PLXNA4: variants seen among roughly 807,000 people sequenced by gnomAD.
PLXNA4 encodes the protein plexin-A4.
In PLXNA4, 44 loss-of-function variants were observed where a neutral mutation model predicts 191.8. The observed-to-expected ratio is 0.23, with a 90% CI of 0.18 to 0.29. The LOEUF is 0.29. PLXNA4 is among the 10% of genes least tolerant of loss of function. The pLI, the probability that PLXNA4 is intolerant of heterozygous loss-of-function variation, is 1.00. For missense variants in PLXNA4, 1,800 were observed against 2,488.8 expected (o/e 0.72, Z 5.89); for synonymous variants, 1,082 against 1,009.5 (o/e 1.07, Z -1.36).
chr7:132,297,976 C>A, intron 4 of PLXNA4, 115 bp downstream of exon 4: 2 of 1,368,752 alleles, frequency 1.5e-6, no homozygotes, highest in Admixed American at 1.8e-5. Context: ...AAGATACATA[C>A]TACGCCAAAT....
intron 2 of PLXNA4, among the ~76,000 whole-genome samples, chr7:132,496,802 G>C (rs1190187437): frequency 2.6e-5 from 4 of 152,160 alleles, no homozygotes; most frequent in Non-Finnish European, 5.9e-5. Context: ...TGCTGGGGAA[G>C]AGACTATGTG....
chr7:132,627,906 A>C (rs1214055519), intron 2 of PLXNA4, among the ~76,000 whole-genome samples: 5 of 152,240 alleles, frequency 3.3e-5, no homozygotes, highest in African/African-American at 1.2e-4. Flanking sequence ...GAATGGACTC[A>C]GATACTCTCA....
intron 3 of PLXNA4, among the ~76,000 whole-genome samples, chr7:132,456,003 C>G (rs1796301122): frequency 6.6e-6 from 1 of 152,188 alleles, no homozygotes; most frequent in Admixed American, 6.5e-5. Context: ...TGTCTCTGGC[C>G]CTGATGGGCC....
intron 30 of PLXNA4, among the ~76,000 whole-genome samples, chr7:132,137,003 G>A (rs1413549486): frequency 2.6e-5 from 4 of 152,134 alleles, no homozygotes; most frequent in Admixed American, 6.5e-5. Flanking sequence ...CCTGACCACA[G>A]GAGCTGCAAA....
In PLXNA4 at chr7:132,124,630, C is replaced by CT. The variant is rs1345163407; in HGVS notation, c.*5848dup. 1 of 152,234 alleles carries CT rather than the reference C, an allele frequency of 6.6e-6. No homozygotes were observed. The highest frequency in any genetic ancestry group is 2.4e-5 in the African/African-American group (1 of 41,458). The allele number at this position is 152,234 out of a possible 1,614,324, so 9.4% of individuals were successfully genotyped here. Reference sequence around the variant, plus strand: ...ATCCTGGCGGAGGGAAAGCTTGGGTCTTCCCATGACCCATCCCTCACAGAG... The same window carrying CT: ...ATCCTGGCGGAGGGAAAGCTTGGGTCTTTCCCATGACCCATCCCTCACAGAG... On this transcript the variant is annotated 3_prime_UTR_variant, in exon 32 of 32. Coordinates refer to ENST00000321063, the MANE Select transcript of PLXNA4 (RefSeq NM_020911.2).
intron 4 of PLXNA4, among the ~76,000 whole-genome samples, chr7:132,247,012 G>C (rs1037929457): frequency 6.6e-6 from 1 of 152,178 alleles, no homozygotes; most frequent in African/African-American, 2.4e-5. Flanking sequence ...CTGGGAGCCT[G>C]GGGGTCCTCC....
At chr7:132,242,632 A>G (rs1290989683) in intron 4 of PLXNA4, among the ~76,000 whole-genome samples, 2 of 151,880 alleles carry the variant, frequency 1.3e-5, no homozygotes, top group African/African-American at 4.8e-5. Flanking sequence ...CTTTCAAGCA[A>G]CCTTTTAGCT....
In PLXNA4 at chr7:132,130,466, G is replaced by C. The variant is rs2116488116; in HGVS notation, c.*13C>G. 6.2e-7 allele frequency: 1 copy of C among 1,614,146 alleles called. No homozygotes were observed. The highest frequency in any genetic ancestry group is 1.1e-5 in the South Asian group (1 of 91,080). On this transcript the variant is annotated 3_prime_UTR_variant, in exon 32 of 32. Transcript: ENST00000321063. ...GTGTGTCCCCCTCCAGGGCGGCCCT[G>C]GAAGGACGGTTCTCAGCTGTCTAAG...
chr7:132,581,968 A>T (rs1488562490), upstream of PLXNA4, among the ~76,000 whole-genome samples: 1 of 152,182 alleles, frequency 6.6e-6, no homozygotes. Flanking sequence ...GGGGAGATGG[A>T]GGGAGGGAGG....
intron 9 of PLXNA4, among the ~76,000 whole-genome samples, chr7:132,218,582 G>A (rs964026504): frequency 6.6e-6 from 1 of 152,222 alleles, no homozygotes; most frequent in Non-Finnish European, 1.5e-5. Flanking sequence ...GTTCACCTTT[G>A]TTCCTCAAGC....
At chr7:132,217,010 A>G (rs1209419418) in intron 9 of PLXNA4, among the ~76,000 whole-genome samples, 1 of 152,222 alleles carries the variant, frequency 6.6e-6, no homozygotes. Context: ...CTGTGGCTAC[A>G]TTCTGCAGTT....
chr7:132,312,173 T>TAATA (rs1327754458), intron 3 of PLXNA4, among the ~76,000 whole-genome samples: 1 of 151,472 alleles, frequency 6.6e-6, no homozygotes, highest in Non-Finnish European at 1.5e-5. Context: ...ATAATAATAA[T>TAATA]AAGTGCCTGT....
At chr7:132,552,250 C>T (rs1800595425) in intron 1 of PLXNA4, among the ~76,000 whole-genome samples, 1 of 152,154 alleles carries the variant, frequency 6.6e-6, no homozygotes, top group Non-Finnish European at 1.5e-5. Context: ...TTACCCAGAA[C>T]CTCAGTGCTA....
chr7:132,553,712 C>T (rs1800666860), intron 1 of PLXNA4, among the ~76,000 whole-genome samples: 2 of 152,220 alleles, frequency 1.3e-5, no homozygotes, highest in South Asian at 4.1e-4. Context: ...TCCATCACCT[C>T]TGTTTTTCTG....
Position 132,508,667 on chromosome 7 carries a change from G to C in PLXNA4, c.27C>G (p.Thr9=), listed in dbSNP as rs921505301. 5.8e-6 allele frequency: 9 copies of C among 1,553,152 alleles called. No individual in the cohort carries two copies. The African/African-American group carries it at 9.5e-5, about 16-fold the overall frequency. MKAMPWNW[T]CLLSHLLMVG... is the part of the protein sequence containing the mutation. ...CCATGAGGAGGTGGGAGAGAAGGCA[G>C]GTCCAGTTCCAGGGCATGGCTTTCA... is the stretch of plus-strand genomic sequence containing the variant. The change falls in exon 2 of 32, where the codon ACC becomes ACG. Residue 9 remains threonine, a synonymous_variant. Coordinates refer to ENST00000321063, the MANE Select transcript of PLXNA4 (RefSeq NM_020911.2). The surrounding 1 kb of genome is among the most constrained non-coding windows in gnomAD (Gnocchi z 4.4).
chr7:132,229,653 A>C (rs1325905365), intron 5 of PLXNA4, among the ~76,000 whole-genome samples: 1 of 152,192 alleles, frequency 6.6e-6, no homozygotes, highest in African/African-American at 2.4e-5. Flanking sequence ...GGAAGATGTC[A>C]GGAGCTGTTG....
chr7:132,396,414 C>T (rs915526816), intron 3 of PLXNA4, among the ~76,000 whole-genome samples: 7 of 152,172 alleles, frequency 4.6e-5, no homozygotes, highest in Non-Finnish European at 1.0e-4. Context: ...GGAAGCTAAG[C>T]CACAGAGAGG....
chr7:132,410,935 C>G (rs541898289), intron 3 of PLXNA4, among the ~76,000 whole-genome samples: 1 of 152,192 alleles, frequency 6.6e-6, no homozygotes, highest in Non-Finnish European at 1.5e-5. Flanking sequence ...CCAGCCTGTA[C>G]AGCAAGCCCC....
intron 3 of PLXNA4, among the ~76,000 whole-genome samples, chr7:132,378,447 G>A (rs947846161): frequency 1.3e-5 from 2 of 152,194 alleles, no homozygotes; most frequent in Non-Finnish European, 2.9e-5. Context: ...AATCCCTAGA[G>A]ATTAGAAAGG....
Sources: allele counts gnomAD v4.1 joint callset (sites outside exome capture counted in the v4.1 genomes callset), GRCh38; gene constraint gnomAD v4.1.1; non-coding constraint Gnocchi (gnomAD v3.1); transcripts MANE v1.5; gene names NCBI Gene and HGNC (gene_info 2026-07-23, HGNC 2026-07-21).